ABCC1: variants seen among roughly 807,000 people sequenced by gnomAD.
ABCC1 encodes the protein ATP binding cassette subfamily C member 1 (ABCC1 blood group).
A neutral mutation model predicts 172.9 loss-of-function variants in ABCC1; 83 were observed. The observed-to-expected ratio is 0.48, with a 90% CI of 0.40 to 0.58. The LOEUF (loss-of-function observed/expected upper bound fraction) is 0.58, where lower values mean the gene tolerates loss of function less well. ABCC1 is among the 20% of genes least tolerant of loss of function. The pLI is 0.00. For synonymous variants in ABCC1, 937 were observed against 825.2 expected, an observed-to-expected ratio of 1.14 and a Z score of -2.32; for missense variants, 1,817 against 2,002.7, an observed-to-expected ratio of 0.91 and a Z score of 1.77.
At chr16:16,017,941 C>A (rs1325576485) in intron 5 of ABCC1, among the ~76,000 whole-genome samples, 1 of 152,070 alleles carries the variant, frequency 6.6e-6, no homozygotes, top group Non-Finnish European at 1.5e-5. Flanking sequence ...GCAAGAAAAG[C>A]CAGCACAGCA....
At chr16:15,998,284 C>T (rs1437649545) in intron 1 of ABCC1, among the ~76,000 whole-genome samples, 1 of 152,058 alleles carries the variant, frequency 6.6e-6, no homozygotes, top group Non-Finnish European at 1.5e-5. Context: ...ACTACCACGC[C>T]TGGATAATTT....
rs951029710 is a variant in ABCC1 at position 15,974,491 on chromosome 16, A to G, written c.48+24692A>G. ...GTTGGCGTGGCTAAGAAGTAAGGGA[A>G]TTTTTTAACTTTTCCTTCTTAATTC... On this transcript the variant is annotated intron_variant, in intron 1 of 30. Transcript: ENST00000399410. Among the ~76,000 whole-genome samples the G allele has an allele frequency of 3.3e-5, 5 of 152,122 alleles. No individual in the cohort carries two copies. The East Asian group carries it at 5.8e-4, about 18-fold the overall frequency.
At chr16:15,982,824 A>AAAAAAAAAAAAAAAAG (rs2046655505) in intron 1 of ABCC1, among the ~76,000 whole-genome samples, 1 of 144,738 alleles carries the variant, frequency 6.9e-6, no homozygotes, top group Non-Finnish European at 1.5e-5. Context: ...AAAAAAAAAA[A>AAAAAAAAAAAAAAAAG]GGAAATCCAT....
chr16:16,083,254 G>A, intron 16 of ABCC1, 112 bp from the exon 17 acceptor site: 1 of 1,082,268 alleles, frequency 9.2e-7, no homozygotes, highest in Non-Finnish European at 1.4e-6. Context: ...TAGTTGTGAT[G>A]AAAATGACTT....
intron 1 of ABCC1, among the ~76,000 whole-genome samples, chr16:15,986,196 A>G (rs2046740083): frequency 6.6e-6 from 1 of 152,054 alleles, no homozygotes; most frequent in Non-Finnish European, 1.5e-5. Flanking sequence ...CAGCCTCCCA[A>G]AGTGGTGGGA....
At chr16:16,137,872 A>ATT (rs144317862) in intron 29 of ABCC1, among the ~76,000 whole-genome samples, 2 of 148,336 alleles carry the variant, frequency 1.3e-5, no homozygotes, top group African/African-American at 5.0e-5. Context: ...TTTTTATTTT[A>ATT]TTTTTTTTAA....
rs543717488 is a variant in ABCC1 at position 16,111,952 on chromosome 16, G to T, written c.3079+370G>T. On this transcript the variant is annotated intron_variant, in intron 22 of 30. Coordinates refer to ENST00000399410, the MANE Select transcript of ABCC1 (RefSeq NM_004996.4). ...ATTTGCGGACTTTTGCCTGCTGAGT[G>T]AGGGCGGAAATTGGCTTATACTAGT... is the stretch of plus-strand genomic sequence containing the variant. Among the ~76,000 whole-genome samples the T allele has an allele frequency of 2.0e-5, 3 of 152,298 alleles. No homozygotes were observed. The East Asian group carries it at 5.8e-4, about 29-fold the overall frequency.
chr16:16,012,709 G>T (rs879443058), intron 3 of ABCC1, among the ~76,000 whole-genome samples: 14,294 of 120,878 alleles, frequency 0.12, 850 homozygotes, highest in African/African-American at 0.21. Flanking sequence ...TTCCTTTGAG[G>T]CAGAGTTTCG....
At chr16:16,116,387 A>T (rs908429111) in intron 23 of ABCC1, among the ~76,000 whole-genome samples, 1 of 152,150 alleles carries the variant, frequency 6.6e-6, no homozygotes, top group Non-Finnish European at 1.5e-5. Context: ...GATGCCTTAA[A>T]CTGCAGATAG....
At chr16:16,071,855 G>A (rs957733699) in intron 14 of ABCC1, 126 bp downstream of exon 14, 22 of 825,336 alleles carry the variant, frequency 2.7e-5, no homozygotes, top group Non-Finnish European at 3.9e-5. Flanking sequence ...GCTTGTCTGC[G>A]AGACCCCGGG....
intron 21 of ABCC1, among the ~76,000 whole-genome samples, chr16:16,109,253 T>C (rs1041329029): frequency 2.0e-5 from 3 of 152,148 alleles, no homozygotes; most frequent in Admixed American, 1.3e-4. Context: ...CAACGCTCAC[T>C]GCAGCCTTAA....
Position 16,062,501 on chromosome 16 carries a change from T to G in ABCC1, c.1678-5655T>G, listed in dbSNP as rs529396932. Among the ~76,000 whole-genome samples, 4 of 152,304 alleles carry G rather than the reference T, an allele frequency of 2.6e-5. No homozygotes were observed. In the South Asian group the frequency reaches 6.2e-4, roughly 24 times the overall value. ...AGCTGGGATTACAGATGTGAAATAC[T>G]GAGCCCGGCTACCGGCTTTACTTAA... On this transcript the variant is annotated intron_variant, in intron 12 of 30. Transcript: ENST00000399410.
At chr16:15,956,273 G>T (rs935006186) in intron 1 of ABCC1, among the ~76,000 whole-genome samples, 3 of 152,026 alleles carry the variant, frequency 2.0e-5, no homozygotes, top group Admixed American at 6.6e-5. Flanking sequence ...GCTGAGGCAT[G>T]AGCATTGCTT....
At chr16:16,103,287 C>A (rs1160223085) in intron 20 of ABCC1, among the ~76,000 whole-genome samples, 1 of 152,092 alleles carries the variant, frequency 6.6e-6, no homozygotes, top group South Asian at 2.1e-4. Flanking sequence ...TTTTAAAAAA[C>A]TGGCTAAGTC....
At chr16:16,006,894 A>ATGG (rs2047556954) in intron 1 of ABCC1, among the ~76,000 whole-genome samples, 1 of 96,946 alleles carries the variant, frequency 1.0e-5, no homozygotes, top group Admixed American at 1.3e-4. Context: ...GGTGGTGGTG[A>ATGG]TGGTGGCGAT....
At chr16:16,039,012 G>C (rs566018096) in intron 7 of ABCC1, among the ~76,000 whole-genome samples, 9 of 152,262 alleles carry the variant, frequency 5.9e-5, no homozygotes, top group Middle Eastern at 3.4e-3. Context: ...TGCTGCTTTT[G>C]TGCTTAGCGA....
At chr16:15,981,611 AG>A (rs1417455945) in intron 1 of ABCC1, among the ~76,000 whole-genome samples, 2 of 152,142 alleles carry the variant, frequency 1.3e-5, no homozygotes, top group Non-Finnish European at 2.9e-5. Context: ...AGCACACAGC[AG>A]GGGGGCCCTG....
intron 5 of ABCC1, among the ~76,000 whole-genome samples, chr16:16,020,179 C>T (rs1446955888): frequency 2.0e-5 from 3 of 152,192 alleles, no homozygotes; most frequent in Non-Finnish European, 4.4e-5. Context: ...ACTTTGGCCT[C>T]CCAAAGTGCT....
At chr16:16,033,482 G>A (rs1433310179) in intron 6 of ABCC1, among the ~76,000 whole-genome samples, 1 of 152,084 alleles carries the variant, frequency 6.6e-6, no homozygotes, top group African/African-American at 2.4e-5. Context: ...AAAATATTAG[G>A]TATAGTTATT....
Sources: allele counts gnomAD v4.1 joint callset (sites outside exome capture counted in the v4.1 genomes callset), GRCh38; gene constraint gnomAD v4.1.1; transcripts MANE v1.5; gene names NCBI Gene and HGNC (gene_info 2026-07-23, HGNC 2026-07-21).